LHFPL2: variants seen among roughly 807,000 people sequenced by gnomAD.
LHFPL2 encodes LHFPL tetraspan subfamily member 2 protein.
In LHFPL2, 7 loss-of-function variants were observed where a neutral mutation model predicts 17.5. The observed-to-expected ratio is 0.40, with a 90% CI of 0.23 to 0.75. The LOEUF (loss-of-function observed/expected upper bound fraction) is 0.75, where lower values mean the gene tolerates loss of function less well. Among genes scored for constraint, LHFPL2 ranks in the 30% least tolerant of loss-of-function variants. LHFPL2 has a pLI of 0.37. For synonymous variants in LHFPL2, 134 were observed against 116.2 expected (o/e 1.15, Z -0.99); for missense variants, 241 against 294.8 (o/e 0.82, Z 1.34).
chr5:78,534,726 C>T (rs115845686), intron 3 of LHFPL2, among the ~76,000 whole-genome samples: 1,956 of 152,284 alleles, frequency 0.013, 38 homozygotes, highest in African/African-American at 0.043. Context: ...TCAGCCCAAA[C>T]AGGCAGTGTT....
chr5:78,618,682 G>A (rs777407901), intron 2 of LHFPL2, among the ~76,000 whole-genome samples: 4 of 152,168 alleles, frequency 2.6e-5, no homozygotes, highest in Non-Finnish European at 4.4e-5. Context: ...ACGTACTTTC[G>A]TCATCTCTAT....
At chr5:78,531,664 G>A (rs1296409469) in intron 3 of LHFPL2, among the ~76,000 whole-genome samples, 2 of 152,108 alleles carry the variant, frequency 1.3e-5, no homozygotes, top group Admixed American at 1.3e-4. Flanking sequence ...GGGTAGCAAT[G>A]GGCCCGGCTC....
intron 3 of LHFPL2, among the ~76,000 whole-genome samples, chr5:78,532,903 T>G (rs1257867342): frequency 6.6e-6 from 1 of 152,204 alleles, no homozygotes; most frequent in Non-Finnish European, 1.5e-5. Context: ...TGAGCCAGGC[T>G]GACAGCACGT....
At chr5:78,637,813 T>C (rs993586451) in intron 1 of LHFPL2, among the ~76,000 whole-genome samples, 11 of 152,198 alleles carry the variant, frequency 7.2e-5, no homozygotes, top group Non-Finnish European at 1.5e-4. Context: ...GAGTCTGTAT[T>C]TTAACAGGAT....
chr5:78,510,468 C>T (rs367594858), intron 3 of LHFPL2, 70 bp from the exon 4 acceptor site: 4 of 490,622 alleles, frequency 8.2e-6, no homozygotes, highest in African/African-American at 5.9e-5. Context: ...GCAGCGACAC[C>T]GTCCAAGTCC....
rs1330720979 is a variant in LHFPL2, at chr5:78,487,931, C to G, written c.*966G>C. On this transcript the variant is annotated 3_prime_UTR_variant, in exon 5 of 5. Transcript: ENST00000380345. Reference sequence around the variant, plus strand: ...TCGGGATTGGAAATAGAGCTGACTACAGCATGGTCACCAAACTGGGAGTAA... The same window carrying G: ...TCGGGATTGGAAATAGAGCTGACTAGAGCATGGTCACCAAACTGGGAGTAA... The G allele has an allele frequency of 3.3e-5, 5 of 152,018 alleles. No individual in the cohort carries two copies. The highest frequency in any genetic ancestry group is 9.7e-5 in the African/African-American group (4 of 41,276). The allele number at this position is 152,018 out of a possible 1,614,324, so 9.4% of individuals were successfully genotyped here. A position where few individuals can be genotyped will look rare whatever the true frequency, so the allele number is the denominator to read the frequency against.
intron 2 of LHFPL2, among the ~76,000 whole-genome samples, chr5:78,567,042 T>C (rs980658740): frequency 1.4e-4 from 22 of 152,220 alleles, no homozygotes; most frequent in African/African-American, 5.3e-4. Context: ...TTTTAAAATC[T>C]CCTTTTTTTA....
chr5:78,496,322 A>C (rs1754605355), intron 4 of LHFPL2, among the ~76,000 whole-genome samples: 1 of 152,238 alleles, frequency 6.6e-6, no homozygotes, highest in South Asian at 2.1e-4. Flanking sequence ...TTGCCTTAAC[A>C]TTCACTGATA....
At chr5:78,567,825 T>G (rs192994534) in intron 2 of LHFPL2, among the ~76,000 whole-genome samples, 1 of 152,232 alleles carries the variant, frequency 6.6e-6, no homozygotes, top group Admixed American at 6.5e-5. Flanking sequence ...ATTTTAACTA[T>G]GAGGGAAACA....
chr5:78,604,390 T>G (rs1744137313), intron 2 of LHFPL2, among the ~76,000 whole-genome samples: 1 of 152,136 alleles, frequency 6.6e-6, no homozygotes, highest in Non-Finnish European at 1.5e-5. Context: ...GGCAGGAGAA[T>G]GGCTTGAACC....
intron 1 of LHFPL2, among the ~76,000 whole-genome samples, chr5:78,635,527 G>A (rs966957962): frequency 9.9e-5 from 15 of 152,250 alleles, no homozygotes; most frequent in African/African-American, 3.4e-4. Context: ...AACCGGCCAG[G>A]CACAGTGGCT....
intron 4 of LHFPL2, among the ~76,000 whole-genome samples, chr5:78,493,975 G>T (rs1302362651): frequency 6.6e-6 from 1 of 152,176 alleles, no homozygotes; most frequent in East Asian, 1.9e-4. Flanking sequence ...CCAAATGGAA[G>T]GTAAAGGATG....
intron 2 of LHFPL2, among the ~76,000 whole-genome samples, chr5:78,624,421 A>C (rs150958083): frequency 1.3e-5 from 2 of 152,184 alleles, no homozygotes; most frequent in African/African-American, 4.8e-5. Flanking sequence ...CAAGGATTCC[A>C]GAGGAAGCAC....
At chr5:78,508,252 A>C (rs1274833603) in intron 4 of LHFPL2, among the ~76,000 whole-genome samples, 1 of 152,192 alleles carries the variant, frequency 6.6e-6, no homozygotes, top group Non-Finnish European at 1.5e-5. Context: ...ATTTATCTCA[A>C]GTGAAACTGC....
chr5:78,635,752 G>A (rs970221296), intron 1 of LHFPL2, among the ~76,000 whole-genome samples: 16 of 152,188 alleles, frequency 1.1e-4, no homozygotes, highest in Admixed American at 3.9e-4. Context: ...GCAGTGAGCC[G>A]AGATCGCGCC....
chr5:78,573,804 A>AT (rs1483843989), intron 2 of LHFPL2, among the ~76,000 whole-genome samples: 1 of 152,192 alleles, frequency 6.6e-6, no homozygotes, highest in Non-Finnish European at 1.5e-5. Flanking sequence ...TTTTATGTCC[A>AT]TTTTTAAATT....
At chr5:78,576,105 C>T (rs1482072413) in intron 2 of LHFPL2, among the ~76,000 whole-genome samples, 1 of 152,136 alleles carries the variant, frequency 6.6e-6, no homozygotes. Flanking sequence ...ACCATCCTGG[C>T]TAACACGGTG....
intron 2 of LHFPL2, among the ~76,000 whole-genome samples, chr5:78,575,142 C>T (rs1009943101): frequency 5.9e-5 from 9 of 152,196 alleles, no homozygotes; most frequent in African/African-American, 2.2e-4. Context: ...AAGGAGGCTG[C>T]AGGCAACCCC....
At chr5:78,642,923 C>T (rs149717757) in intron 1 of LHFPL2, among the ~76,000 whole-genome samples, 29 of 152,286 alleles carry the variant, frequency 1.9e-4, no homozygotes, top group African/African-American at 6.7e-4. Flanking sequence ...CCACCCAGTC[C>T]TGCCAGGATT....
Sources: allele counts gnomAD v4.1 joint callset (sites outside exome capture counted in the v4.1 genomes callset), GRCh38; gene constraint gnomAD v4.1.1; transcripts MANE v1.5; gene names NCBI Gene and HGNC (gene_info 2026-07-23, HGNC 2026-07-21).